Variants in SUGCT observed in about 807,000 individuals in gnomAD.
SUGCT encodes the protein succinyl-CoA:glutarate CoA-transferase.
In SUGCT, 41 loss-of-function variants were observed where a neutral mutation model predicts 55.0. The observed-to-expected ratio is 0.74, with a 90% CI of 0.58 to 0.97. The LOEUF (loss-of-function observed/expected upper bound fraction) is 0.97, where lower values mean the gene tolerates loss of function less well. Among genes scored for constraint, SUGCT ranks in the 50% least tolerant of loss-of-function variants. The pLI is 0.00. For missense variants in SUGCT, 568 were observed against 547.8 expected, an observed-to-expected ratio of 1.04 and a Z score of -0.37; for synonymous variants, 187 against 200.4, an observed-to-expected ratio of 0.93 and a Z score of 0.56.
the SUGCT span, among the ~76,000 whole-genome samples, chr7:40,867,800 T>G: frequency 4.6e-5 from 7 of 152,248 alleles, no homozygotes; most frequent in African/African-American, 1.7e-4. Context: ...GCATGTTGTT[T>G]GCTGTCTTAG....
chr7:41,013,623 A>G, the SUGCT span, among the ~76,000 whole-genome samples: 1 of 152,140 alleles, frequency 6.6e-6, no homozygotes, highest in Non-Finnish European at 1.5e-5. Flanking sequence ...CTGTATATGC[A>G]TTTTGTGGGT....
At chr7:40,187,989 A>G (rs1054700832) in intron 3 of SUGCT, among the ~76,000 whole-genome samples, 3 of 151,640 alleles carry the variant, frequency 2.0e-5, no homozygotes, top group Non-Finnish European at 2.9e-5. Context: ...ATATGGTGAA[A>G]CCCTGTCTCT....
rs150117017 is a variant in SUGCT at position 40,688,447 on chromosome 7, C to T, written c.1090-60987C>T. 8.2e-4 allele frequency among the ~76,000 whole-genome samples: 125 copies of T among 152,102 alleles called. 1 individual carries two copies. Among genetic ancestry groups the T allele is most frequent in the Admixed American group, 3.6e-3 (55 of 15,250 alleles). On this transcript the variant is annotated intron_variant, in intron 12 of 13. Transcript: ENST00000335693. ...CTATTTGTCTTGAAATTATATTTGT[C>T]GCTAAGATACCATGTAATAGTAAAA... is the stretch of plus-strand genomic sequence containing the variant.
chr7:40,801,239 G>A (rs1409836009), intron 13 of SUGCT, among the ~76,000 whole-genome samples: 1 of 152,176 alleles, frequency 6.6e-6, no homozygotes, highest in African/African-American at 2.4e-5. Flanking sequence ...TGAGCCATCC[G>A]GGGTATTTAA....
chr7:40,387,530 G>A (rs914911376), intron 9 of SUGCT, among the ~76,000 whole-genome samples: 51 of 152,162 alleles, frequency 3.4e-4, no homozygotes, highest in African/African-American at 1.2e-3. Flanking sequence ...AAAGAAGTTA[G>A]ATTGTTATAT....
chr7:40,928,413 C>G, the SUGCT span, among the ~76,000 whole-genome samples: 1 of 151,910 alleles, frequency 6.6e-6, no homozygotes, highest in Non-Finnish European at 1.5e-5. Context: ...TTAACTTTCA[C>G]TTTTATACCA....
rs1183426693 is a variant in SUGCT, at chr7:40,439,064, GTATATA to G, written c.817-10181_817-10176del. Among the ~76,000 whole-genome samples the G allele has an allele frequency of 4.1e-3, 112 of 27,170 alleles. 3 individuals are homozygous for G. Among genetic ancestry groups the G allele is most frequent in the Middle Eastern group, 0.045 (2 of 44 alleles). The allele number at this position is 27,170 out of a possible 152,430, so 17.8% of individuals were successfully genotyped here. On this transcript the variant is annotated intron_variant, in intron 9 of 13. Coordinates refer to ENST00000335693, the MANE Select transcript of SUGCT (RefSeq NM_001193313.2). ...TATATATATATGGTATATATATGGTGTATATATATATATATATATATATATATATAT... is the reference window on the plus strand; with the variant it reads ...TATATATATATGGTATATATATGGTGTATATATATATATATATATATATAT...
At chr7:41,038,441 C>T in the SUGCT span, among the ~76,000 whole-genome samples, 2 of 152,252 alleles carry the variant, frequency 1.3e-5, no homozygotes, top group African/African-American at 4.8e-5. Flanking sequence ...GAATGTTCCG[C>T]AGGCCTGTTT....
intron 12 of SUGCT, among the ~76,000 whole-genome samples, chr7:40,675,598 G>A (rs1783933173): frequency 6.6e-6 from 1 of 152,148 alleles, no homozygotes; most frequent in African/African-American, 2.4e-5. Flanking sequence ...CTACAGCTGG[G>A]GGTCAGAAGT....
At chr7:40,735,434 C>G (rs1397781898) in intron 12 of SUGCT, among the ~76,000 whole-genome samples, 2 of 152,170 alleles carry the variant, frequency 1.3e-5, no homozygotes, top group African/African-American at 2.4e-5. Context: ...TGGAGAACCT[C>G]TGTTTCTGAC....
intron 12 of SUGCT, among the ~76,000 whole-genome samples, chr7:40,697,390 T>G (rs1230510869): frequency 6.6e-6 from 1 of 152,122 alleles, no homozygotes; most frequent in Non-Finnish European, 1.5e-5. Context: ...ATCCCAGCAC[T>G]TTGGGAGGCT....
chr7:40,972,740 CAAG>C, the SUGCT span, among the ~76,000 whole-genome samples: 1 of 152,272 alleles, frequency 6.6e-6, no homozygotes, highest in East Asian at 1.9e-4. Flanking sequence ...TGTTGTAACA[CAAG>C]AGATTTATCT....
chr7:40,948,956 T>C, the SUGCT span, among the ~76,000 whole-genome samples: 1 of 152,224 alleles, frequency 6.6e-6, no homozygotes, highest in East Asian at 1.9e-4. Flanking sequence ...TTATAATCCT[T>C]TGGGTATATA....
intron 8 of SUGCT, among the ~76,000 whole-genome samples, chr7:40,291,588 TG>T (rs1055042998): frequency 6.6e-6 from 1 of 151,364 alleles, no homozygotes; most frequent in Admixed American, 6.6e-5. Flanking sequence ...CACACCAACA[TG>T]GCACATGTAT....
At chr7:40,276,169 G>A (rs745761043) in intron 8 of SUGCT, among the ~76,000 whole-genome samples, 7 of 152,172 alleles carry the variant, frequency 4.6e-5, no homozygotes, top group African/African-American at 7.2e-5. Context: ...GCTTCGAGTC[G>A]TGGTCAGAAT....
chr7:40,248,928 C>CACACACACACACA (rs1562611530), intron 7 of SUGCT, among the ~76,000 whole-genome samples: 1 of 142,504 alleles, frequency 7.0e-6, no homozygotes, highest in Non-Finnish European at 1.6e-5. Flanking sequence ...ACACACACTC[C>CACACACACACACA]CTCTCTCTCT....
At chr7:40,736,985 C>T (rs1208483864) in intron 12 of SUGCT, among the ~76,000 whole-genome samples, 4 of 151,946 alleles carry the variant, frequency 2.6e-5, no homozygotes, top group Non-Finnish European at 2.9e-5. Flanking sequence ...TTTTGAAAAA[C>T]GGTATTGATA....
At position 40,274,073 on chromosome 7, in the gene SUGCT, C is replaced by CTTTTTTTTTTTTTTT. The variant is rs386409972; in HGVS notation, c.577-429_577-415dup. On this transcript the variant is annotated intron_variant, in intron 7 of 13. Transcript: ENST00000335693. ...GAGGTTTGACCAGATTTTTTACCTT[C>CTTTTTTTTTTTTTTT]TTTTTTTTTTTTTTTTTTTTTTTTT... Among the ~76,000 whole-genome samples, 5 of 68,002 alleles carry CTTTTTTTTTTTTTTT rather than the reference C, an allele frequency of 7.4e-5. 1 individual carries two copies. The highest frequency in any genetic ancestry group is 2.7e-4 in the Admixed American group (1 of 3,728). The allele number at this position is 68,002 out of a possible 152,430, so 44.6% of individuals were successfully genotyped here.
intron 13 of SUGCT, among the ~76,000 whole-genome samples, chr7:40,797,360 T>C (rs1790599039): frequency 6.6e-6 from 1 of 152,134 alleles, no homozygotes; most frequent in Non-Finnish European, 1.5e-5. Flanking sequence ...CTATAAGTCA[T>C]TTCAATTTCT....
Sources: allele counts gnomAD v4.1 joint callset (sites outside exome capture counted in the v4.1 genomes callset), GRCh38; gene constraint gnomAD v4.1.1; transcripts MANE v1.5; gene names NCBI Gene and HGNC (gene_info 2026-07-23, HGNC 2026-07-21).